The following SH3BP2 variants were observed in gnomAD, a reference collection of about 807,000 sequenced individuals.
SH3BP2 encodes SH3 domain-binding protein 2.
SH3BP2 carries 38 observed loss-of-function variants against 56.2 expected under a neutral mutation model. That is an observed-to-expected ratio of 0.68 (90% CI 0.52 to 0.89). SH3BP2 has a LOEUF of 0.89. Among genes scored for constraint, SH3BP2 ranks in the 40% least tolerant of loss-of-function variants. The pLI is 0.00. For synonymous variants in SH3BP2, 346 were observed against 316.7 expected (o/e 1.09, Z -0.98); for missense variants, 748 against 762.6 (o/e 0.98, Z 0.23).
chr4:2,798,875 G>A (rs1402545236), intron 1 of SH3BP2: 15 of 704,572 alleles, frequency 2.1e-5, no homozygotes, highest in South Asian at 6.3e-5. Context: ...GGCATCCTCC[G>A]CCTTCTCTGG....
chr4:2,828,305 C>T (rs1343256514), intron 7 of SH3BP2, among the ~76,000 whole-genome samples: 1 of 152,088 alleles, frequency 6.6e-6, no homozygotes, highest in Non-Finnish European at 1.5e-5. Context: ...TCCGCCCTGC[C>T]TCCTTGTTTT....
At position 2,838,483 on chromosome 4, in the gene SH3BP2, A is replaced by G. The variant is rs2108747236; in HGVS notation, c.*4649A>G. On this transcript the variant is annotated 3_prime_UTR_variant, in exon 13 of 13. Transcript: ENST00000503393. ...TGCGTAGTATAGTTTGTGCATGTTC[A>G]TTGCTAAAAACTTCCATTGTTTGGC... 6.6e-6 allele frequency: 1 copy of G among 152,354 alleles called. No homozygotes were observed. 9.4% of individuals were successfully genotyped at this position (152,354 alleles called of 1,614,324 possible). A position where few individuals can be genotyped will look rare whatever the true frequency, so the allele number is the denominator to read the frequency against.
chr4:2,811,330 A>T (rs183529231), intron 1 of SH3BP2, among the ~76,000 whole-genome samples: 7 of 151,954 alleles, frequency 4.6e-5, no homozygotes, highest in African/African-American at 1.7e-4. Context: ...GCAAGATGAG[A>T]CCCCTGCAGC....
intron 1 of SH3BP2, among the ~76,000 whole-genome samples, chr4:2,807,480 CATGGGGTA>C (rs1435683665): frequency 6.6e-6 from 1 of 152,158 alleles, no homozygotes; most frequent in East Asian, 1.9e-4. Context: ...GCCAGGGACA[CATGGGGTA>C]ATGCTGGTGG....
intron 1 of SH3BP2, among the ~76,000 whole-genome samples, chr4:2,802,736 G>T (rs1483298549): frequency 7.0e-6 from 1 of 143,326 alleles, no homozygotes; most frequent in Non-Finnish European, 1.5e-5. Flanking sequence ...TAACGTTAGG[G>T]AAAAAGGATC....
At position 2,820,746 on chromosome 4, in the gene SH3BP2, G is replaced by T. The variant is rs752677545; in HGVS notation, c.129G>T (p.Leu43=). 6.2e-7 allele frequency: 1 copy of T among 1,613,454 alleles called. No individual in the cohort carries two copies. The highest frequency in any genetic ancestry group is 8.5e-7 in the Non-Finnish European group (1 of 1,179,556). ...LHKKGGTQLQ[L]LKWPLRFVII... is the part of the protein sequence containing the mutation. ...AGAAGGGCGGTACCCAGCTGCAGCT[G>T]CTGAAATGTGAGTCCCTGGGGTGGT... The change falls in exon 2 of 13, where the codon CTG becomes CTT. Residue 43 remains leucine (L), a synonymous_variant. Coordinates refer to ENST00000503393, the MANE Select transcript of SH3BP2 (RefSeq NM_001122681.2).
chr4:2,796,316 T>C, intron 1 of SH3BP2: 3 of 701,038 alleles, frequency 4.3e-6, no homozygotes, highest in Non-Finnish European at 3.5e-6. Context: ...TTCGAGGTGG[T>C]GCAGGCTCCC....
intron 1 of SH3BP2, among the ~76,000 whole-genome samples, chr4:2,805,526 G>A (rs934491947): frequency 5.3e-5 from 8 of 152,240 alleles, no homozygotes; most frequent in Non-Finnish European, 1.2e-4. Flanking sequence ...TGTTCATGCT[G>A]CAGGAGGCAC....
Position 2,820,727 on chromosome 4 carries a change from G to T in SH3BP2, c.110G>T (p.Gly37Val), listed in dbSNP as rs762389046. 6.2e-7 allele frequency: 1 copy of T among 1,613,954 alleles called. No homozygotes were observed. The highest frequency in any genetic ancestry group is 8.5e-7 in the Non-Finnish European group (1 of 1,179,856). The change falls in exon 2 of 13, where the codon GGC becomes GTC. Residue 37 changes from glycine to valine, a missense_variant. Physicochemically the swap from Gly to Val is moderately radical, Grantham distance 109 (BLOSUM62 -3). This residue lies in a region of SH3BP2 where 104 missense variants were observed against 123.1 expected (regional missense o/e 0.84). Transcript: ENST00000503393. ...VAKAGYLHKK[G>V]GTQLQLLKWP... ...AAGGCTGGCTACCTGCACAAGAAGG[G>T]CGGTACCCAGCTGCAGCTGCTGAAA...
chr4:2,827,543 A>C, intron 6 of SH3BP2, 63 bp from the exon 7 acceptor site: 1 of 1,501,778 alleles, frequency 6.7e-7, no homozygotes, highest in South Asian at 1.2e-5. Flanking sequence ...CCATGCATGG[A>C]GCATTGCTCG....
At position 2,835,070 on chromosome 4, in the gene SH3BP2, G is replaced by A. The variant is rs950208449; in HGVS notation, c.*1236G>A. ...TCACTCTCCCTGGCACACCTTCCAGGCTGGATTTTTAATGAAACAGACTCA... is the reference window on the plus strand; with the variant it reads ...TCACTCTCCCTGGCACACCTTCCAGACTGGATTTTTAATGAAACAGACTCA... On this transcript the variant is annotated 3_prime_UTR_variant, in exon 13 of 13. Transcript: ENST00000503393. 3.3e-5 allele frequency: 5 copies of A among 152,210 alleles called. No homozygotes were observed. The highest frequency in any genetic ancestry group is 7.3e-5 in the Non-Finnish European group (5 of 68,052). 9.4% of individuals were successfully genotyped at this position (152,210 alleles called of 1,614,324 possible).
rs1490591670 is a variant in SH3BP2 at position 2,810,390 on chromosome 4, T to A, written c.-4-10224T>A. On this transcript the variant is annotated intron_variant, in intron 1 of 12. Coordinates refer to ENST00000503393, the MANE Select transcript of SH3BP2 (RefSeq NM_001122681.2). The surrounding 1 kb of genome is among the most constrained non-coding windows in gnomAD (Gnocchi z 4.2). ...CTGGGCCAGGGTCAGGTGGGTCTTC[T>A]GCTTGCTTCTGCCTCTGCCGAGTCT... is the stretch of plus-strand genomic sequence containing the variant. 6.6e-6 allele frequency among the ~76,000 whole-genome samples: 1 copy of A among 151,410 alleles called. No homozygotes were observed. Among genetic ancestry groups the A allele is most frequent in the Non-Finnish European group, 1.5e-5 (1 of 67,884 alleles).
chr4:2,800,551 C>T (rs953364487), intron 1 of SH3BP2, among the ~76,000 whole-genome samples: 3 of 75,826 alleles, frequency 4.0e-5, no homozygotes, highest in Non-Finnish European at 7.6e-5. Flanking sequence ...CTGTGACCGC[C>T]CCCCCCCCGG....
intron 1 of SH3BP2, among the ~76,000 whole-genome samples, chr4:2,807,849 C>CA (rs1236769841): frequency 6.6e-6 from 1 of 152,128 alleles, no homozygotes; most frequent in Non-Finnish European, 1.5e-5. Flanking sequence ...ACCCTGTGTG[C>CA]AGGAGGGTGG....
At chr4:2,819,472 G>T (rs1304947971) in intron 1 of SH3BP2, among the ~76,000 whole-genome samples, 1 of 152,154 alleles carries the variant, frequency 6.6e-6, no homozygotes, top group Admixed American at 6.5e-5. Context: ...TGGGGTTGGA[G>T]CTGTAGTGGA....
At chr4:2,802,610 A>G (rs28586949) in intron 1 of SH3BP2, among the ~76,000 whole-genome samples, 2 of 132,998 alleles carry the variant, frequency 1.5e-5, no homozygotes, top group African/African-American at 6.5e-5. Context: ...ATGTGTATAT[A>G]TGTGTATATA....
At chr4:2,821,794 C>T (rs1176037259) in intron 2 of SH3BP2, among the ~76,000 whole-genome samples, 4 of 152,190 alleles carry the variant, frequency 2.6e-5, no homozygotes, top group Admixed American at 1.3e-4. Flanking sequence ...ATCCATCCGC[C>T]TTGGTCTCCC....
chr4:2,800,321 T>C (rs1349740702), intron 1 of SH3BP2, among the ~76,000 whole-genome samples: 2 of 152,072 alleles, frequency 1.3e-5, no homozygotes, highest in Non-Finnish European at 2.9e-5. Context: ...GGAAAGGGCA[T>C]CCCCAAGTCA....
chr4:2,816,423 A>G (rs570869583), intron 1 of SH3BP2, among the ~76,000 whole-genome samples: 2 of 152,286 alleles, frequency 1.3e-5, no homozygotes, highest in African/African-American at 4.8e-5. Context: ...CTTTCTTTCC[A>G]TTCTGGATAC....
Sources: allele counts gnomAD v4.1 joint callset (sites outside exome capture counted in the v4.1 genomes callset), GRCh38; gene constraint gnomAD v4.1.1; regional missense constraint gnomAD v4.1.1; non-coding constraint Gnocchi (gnomAD v3.1); transcripts MANE v1.5; gene names NCBI Gene and HGNC (gene_info 2026-07-23, HGNC 2026-07-21).